The following ACTR1B variants were observed in gnomAD, a reference collection of about 807,000 sequenced individuals.
ACTR1B encodes the protein beta-centractin.
A neutral mutation model predicts 49.4 loss-of-function variants in ACTR1B; 34 were observed. That is an observed-to-expected ratio of 0.69 (90% CI 0.52 to 0.92). The LOEUF (loss-of-function observed/expected upper bound fraction) is 0.92, where lower values mean the gene tolerates loss of function less well. Ranked by LOEUF, ACTR1B falls within the 40% of genes least tolerant of loss-of-function variation. The pLI, the probability that ACTR1B is intolerant of heterozygous loss-of-function variation, is 0.00. For synonymous variants in ACTR1B, 207 were observed against 207.8 expected (o/e 1.00, Z 0.03); for missense variants, 471 against 522.4 (o/e 0.90, Z 0.96).
At position 97,659,718 on chromosome 2, in the gene ACTR1B, G is replaced by A. The variant is rs1674961340; in HGVS notation, c.190-241C>T. On this transcript the variant is annotated intron_variant, in intron 3 of 10. Coordinates refer to ENST00000289228, the MANE Select transcript of ACTR1B (RefSeq NM_005735.4). This position sits in a 1 kb window ranked among gnomAD's most constrained non-coding sequence, Gnocchi z 4.0. ...GCTTCAGCTGGGGGGATCAGAGAGG[G>A]TGGCAGTGTGCCCCGCAATCTGCAG... The A allele has an allele frequency of 3.5e-6, 2 of 577,490 alleles. No individual in the cohort carries two copies. Among genetic ancestry groups the A allele is most frequent in the African/African-American group, 1.9e-5 (1 of 53,026 alleles). The allele number at this position is 577,490 out of a possible 1,614,324, so 35.8% of individuals were successfully genotyped here.
chr2:97,655,947 A>G lies in ACTR1B; in HGVS notation c.*911T>C, dbSNP rs539019345. On this transcript the variant is annotated 3_prime_UTR_variant, in exon 11 of 11. Coordinates refer to ENST00000289228, the MANE Select transcript of ACTR1B (RefSeq NM_005735.4). ...AAACGATAGCACAGAGAGCCACAAG[A>G]AAACAGAGCCACACACTGGGCCTTG... 7 of 152,304 alleles carry G rather than the reference A, an allele frequency of 4.6e-5. No homozygotes were observed. The highest frequency in any genetic ancestry group is 2.6e-4 in the Admixed American group (4 of 15,298). The allele number at this position is 152,304 out of a possible 1,614,324, so 9.4% of individuals were successfully genotyped here. A position where few individuals can be genotyped will look rare whatever the true frequency, so the allele number is the denominator to read the frequency against.
At position 97,656,874 on chromosome 2, in the gene ACTR1B, T is replaced by C. The variant is rs755653289; in HGVS notation, c.1115A>G (p.His372Arg). Residue 372 changes from histidine (H) to arginine (R), a missense_variant, in exon 11 of 11, where the codon CAT becomes CGT. By Grantham distance (29) the His-to-Arg change is conservative. Transcript: ENST00000289228. ...EYEEDGSRAIHRKTF is the reference protein window; with the variant it reads ...EYEEDGSRAIRRKTF ...CCTTGGGCACTAGAAAGTTTTGCGA[T>C]GAATAGCACGGGAGCCATCCTCTTC... is the stretch of plus-strand genomic sequence containing the variant. The C allele has an allele frequency of 3.2e-6, 5 of 1,586,528 alleles. No homozygotes were observed. Among genetic ancestry groups the C allele is most frequent in the Admixed American group, 1.8e-5 (1 of 54,850 alleles).
Position 97,657,498 on chromosome 2 carries a change from G to A in ACTR1B, c.937C>T (p.Arg313Ter), listed in dbSNP as rs756433092. Reference protein sequence around the residue: ...GSTLFKGFGDRLLSEVKKLAP... With the variant: ...GSTLFKGFGD ...AGCTTCTTCACTTCACTGAGTAATC[G>A]GTCTCCGAAGCCTGTGAACACAAAG... is the stretch of plus-strand genomic sequence containing the variant. Residue 313 changes from arginine to a stop codon, truncating the protein, a stop_gained, in exon 9 of 11, where the codon CGA becomes TGA. Transcript: ENST00000289228. LOFTEE classifies it high-confidence loss of function. 3 of 1,614,046 alleles carry A rather than the reference G, an allele frequency of 1.9e-6. No homozygotes were observed. Among genetic ancestry groups the A allele is most frequent in the African/African-American group, 1.3e-5 (1 of 74,932 alleles).
In ACTR1B at chr2:97,658,714, C is replaced by T. The variant is rs886851493; in HGVS notation, c.441-71G>A. 21 of 1,589,230 alleles carry T rather than the reference C, an allele frequency of 1.3e-5. No individual in the cohort carries two copies. The African/African-American group carries it at 1.7e-4, about 13-fold the overall frequency. ...GGACCTCCTCACCCAGGGGAGGAACCCTGGCACATCTGCATTATCTAGTCT... is the reference window on the plus strand; with the variant it reads ...GGACCTCCTCACCCAGGGGAGGAACTCTGGCACATCTGCATTATCTAGTCT... On this transcript the variant is annotated intron_variant, in intron 5 of 10. Transcript: ENST00000289228. This position sits in a 1 kb window ranked among gnomAD's most constrained non-coding sequence, Gnocchi z 5.9.
rs1444091583 is a variant in ACTR1B at position 97,659,396 on chromosome 2, G to GCCAGATGCGTT, written c.260_270dup (p.Gln91AsnfsTer72). 6.2e-7 allele frequency: 1 copy of GCCAGATGCGTT among 1,613,952 alleles called. No individual in the cohort carries two copies. Reference sequence around the variant, plus strand: ...AGCTGATCCTTGGAGTAGACGTACTGCCAGATGCGTTCCATGTCGTTCCAG... The same window carrying GCCAGATGCGTT: ...AGCTGATCCTTGGAGTAGACGTACTGCCAGATGCGTTCCAGATGCGTTCCATGTCGTTCCAG... On this transcript the variant is annotated frameshift_variant, in exon 4 of 11. Coordinates refer to ENST00000289228, the MANE Select transcript of ACTR1B (RefSeq NM_005735.4). LOFTEE classifies it high-confidence loss of function. The surrounding 1 kb of genome is among the most constrained non-coding windows in gnomAD (Gnocchi z 4.0).
In ACTR1B at chr2:97,659,816, G is replaced by T; in HGVS notation, c.190-339C>A. ...CTCACACTCTGCCAGCTCCCCTCTG[G>T]CCAGCGCCGGCACCTTGCAGCCGCC... On this transcript the variant is annotated intron_variant, in intron 3 of 10. Coordinates refer to ENST00000289228, the MANE Select transcript of ACTR1B (RefSeq NM_005735.4). This position sits in a 1 kb window ranked among gnomAD's most constrained non-coding sequence, Gnocchi z 4.0. The T allele has an allele frequency of 5.6e-6, 2 of 357,486 alleles. No homozygotes were observed. The highest frequency in any genetic ancestry group is 1.0e-5 in the Non-Finnish European group (2 of 193,336). The allele number at this position is 357,486 out of a possible 1,614,324, so 22.1% of individuals were successfully genotyped here. A position where few individuals can be genotyped will look rare whatever the true frequency, so the allele number is the denominator to read the frequency against.
chr2:97,656,047 AGAG>A lies in ACTR1B; in HGVS notation c.*808_*810del, dbSNP rs1674827014. The A allele has an allele frequency of 6.6e-6, 1 of 152,226 alleles. No individual in the cohort carries two copies. The highest frequency in any genetic ancestry group is 2.4e-5 in the African/African-American group (1 of 41,440). 9.4% of individuals were successfully genotyped at this position (152,226 alleles called of 1,614,324 possible). ...TGTTAAATTATTGTACATATCTGAG[AGAG>A]GGAGGTGGGGCCCTGGCCACAGCAA... On this transcript the variant is annotated 3_prime_UTR_variant, in exon 11 of 11. Transcript: ENST00000289228.
In ACTR1B at chr2:97,663,865, T is replaced by C; in HGVS notation, c.26A>G (p.Asn9Ser). The change falls in exon 1 of 11, where the codon AAC becomes AGC. Residue 9 changes from asparagine (N) to serine (S), a missense_variant. Transcript: ENST00000289228. ...CACGTTGTCGATGACCACAGGCTGG[T>C]TGGCGATGATGTCGTAGGACTCCAT... is the stretch of plus-strand genomic sequence containing the variant. MESYDIIA[N>S]QPVVIDNGSG... The C allele has an allele frequency of 7.1e-7, 1 of 1,417,468 alleles. No homozygotes were observed. Among genetic ancestry groups the C allele is most frequent in the South Asian group, 1.4e-5 (1 of 72,966 alleles). The allele number at this position is 1,417,468 out of a possible 1,614,324, so 87.8% of individuals were successfully genotyped here. A position where few individuals can be genotyped will look rare whatever the true frequency, so the allele number is the denominator to read the frequency against.
chr2:97,656,798 G>GT lies in ACTR1B; in HGVS notation c.*59dup. The GT allele has an allele frequency of 7.0e-7, 1 of 1,435,590 alleles. No homozygotes were observed. The highest frequency in any genetic ancestry group is 9.6e-7 in the Non-Finnish European group (1 of 1,042,018). 88.9% of individuals were successfully genotyped at this position (1,435,590 alleles called of 1,614,324 possible). A position where few individuals can be genotyped will look rare whatever the true frequency, so the allele number is the denominator to read the frequency against. On this transcript the variant is annotated 3_prime_UTR_variant, in exon 11 of 11. Transcript: ENST00000289228. ...AGTATACGAGCCAAGACCAAAAAGG[G>GT]TTAAAGGCTCTGTCTCCCCTCCCTC...
In ACTR1B at chr2:97,656,492, C is replaced by A. The variant is rs904301240; in HGVS notation, c.*366G>T. ...TGCTGGCTGCCCCTTGCAGCCCACTCCCCAAACTGGCTACCCAGGCATCCA... is the reference window on the plus strand; with the variant it reads ...TGCTGGCTGCCCCTTGCAGCCCACTACCCAAACTGGCTACCCAGGCATCCA... On this transcript the variant is annotated 3_prime_UTR_variant, in exon 11 of 11. Coordinates refer to ENST00000289228, the MANE Select transcript of ACTR1B (RefSeq NM_005735.4). 1 of 271,710 alleles carries A rather than the reference C, an allele frequency of 3.7e-6. No homozygotes were observed. Among genetic ancestry groups the A allele is most frequent in the Non-Finnish European group, 7.2e-6 (1 of 138,614 alleles). The allele number at this position is 271,710 out of a possible 1,614,324, so 16.8% of individuals were successfully genotyped here. A position where few individuals can be genotyped will look rare whatever the true frequency, so the allele number is the denominator to read the frequency against.
chr2:97,658,204 T>G lies in ACTR1B; in HGVS notation c.750+20A>C. 1.2e-6 allele frequency: 2 copies of G among 1,613,866 alleles called. No individual in the cohort carries two copies. The highest frequency in any genetic ancestry group is 8.5e-7 in the Non-Finnish European group (1 of 1,179,980). On this transcript the variant is annotated intron_variant, in intron 7 of 10. Transcript: ENST00000289228. This position sits in a 1 kb window ranked among gnomAD's most constrained non-coding sequence, Gnocchi z 5.9. Reference sequence around the variant, plus strand: ...GGCTGGGCATCGGCTGCCACTCCAGTGCCAGGCCCGGCCACTTACATCAAG... The same window carrying G: ...GGCTGGGCATCGGCTGCCACTCCAGGGCCAGGCCCGGCCACTTACATCAAG...
In ACTR1B at chr2:97,659,044, C is replaced by T. The variant is rs1195384449; in HGVS notation, c.316-41G>A. On this transcript the variant is annotated intron_variant, in intron 4 of 10. Coordinates refer to ENST00000289228, the MANE Select transcript of ACTR1B (RefSeq NM_005735.4). This position sits in a 1 kb window ranked among gnomAD's most constrained non-coding sequence, Gnocchi z 4.0. ...CAGTTGTAGGCATCAGAGGAGGCAA[C>T]TTGCAAGGCCCTAAAAGGCTCTTTC... 2 of 1,612,868 alleles carry T rather than the reference C, an allele frequency of 1.2e-6. No individual in the cohort carries two copies. The highest frequency in any genetic ancestry group is 1.3e-5 in the African/African-American group (1 of 74,924).
At chr2:97,657,076 G>A in intron 10 of ACTR1B, 76 bp downstream of exon 10, 1 of 1,592,890 alleles carries the variant, frequency 6.3e-7, no homozygotes, top group Admixed American at 1.7e-5. Context: ...CCTCCACGTG[G>A]CCTAGGCCAA....
Position 97,659,564 on chromosome 2 carries a change from T to G in ACTR1B, c.190-87A>C. ...CCTGGAAGCTGACCCTCACCTGCCC[T>G]GACCAGAACCTCACCTGCCCTGACC... On this transcript the variant is annotated intron_variant, in intron 3 of 10. Coordinates refer to ENST00000289228, the MANE Select transcript of ACTR1B (RefSeq NM_005735.4). This position sits in a 1 kb window ranked among gnomAD's most constrained non-coding sequence, Gnocchi z 4.0. 1 of 328,526 alleles carries G rather than the reference T, an allele frequency of 3.0e-6. No homozygotes were observed. Among genetic ancestry groups the G allele is most frequent in the Non-Finnish European group, 6.7e-6 (1 of 148,614 alleles). The allele number at this position is 328,526 out of a possible 1,614,324, so 20.4% of individuals were successfully genotyped here.
rs895930159 is a variant in ACTR1B at position 97,659,612 on chromosome 2, T to A, written c.190-135A>T. On this transcript the variant is annotated intron_variant, in intron 3 of 10. Coordinates refer to ENST00000289228, the MANE Select transcript of ACTR1B (RefSeq NM_005735.4). This position sits in a 1 kb window ranked among gnomAD's most constrained non-coding sequence, Gnocchi z 4.0. ...ACCAGAACCACCCCTGCTCACTGGGTGTCCCAGGGTCTGTGGCGGGTCCTG... is the reference window on the plus strand; with the variant it reads ...ACCAGAACCACCCCTGCTCACTGGGAGTCCCAGGGTCTGTGGCGGGTCCTG... The A allele has an allele frequency of 2.6e-5, 35 of 1,322,038 alleles. No homozygotes were observed. The highest frequency in any genetic ancestry group is 2.7e-5 in the Non-Finnish European group (26 of 957,026). 81.9% of individuals were successfully genotyped at this position (1,322,038 alleles called of 1,614,324 possible). A position where few individuals can be genotyped will look rare whatever the true frequency, so the allele number is the denominator to read the frequency against.
Sources: allele counts gnomAD v4.1 joint callset, GRCh38; gene constraint gnomAD v4.1.1; non-coding constraint Gnocchi (gnomAD v3.1); transcripts MANE v1.5; gene names NCBI Gene and HGNC (gene_info 2026-07-23, HGNC 2026-07-21).